Variants in AGBL1 observed in about 807,000 individuals in gnomAD.
AGBL1 encodes cytosolic carboxypeptidase 4.
Under a neutral mutation model 118.9 loss-of-function variants are expected in AGBL1, and 130 were observed. The observed-to-expected ratio is 1.09, with a 90% CI of 0.95 to 1.26. The LOEUF is 1.26. Among genes scored for constraint, AGBL1 ranks in the 50% most tolerant of loss-of-function variants. The probability of loss-of-function intolerance (pLI) is 0.00; values close to 1 mark genes in which losing one functional copy is unlikely to be tolerated. For synonymous variants in AGBL1, 555 were observed against 478.9 expected, an observed-to-expected ratio of 1.16 and a Z score of -2.08; for missense variants, 1,584 against 1,298.1, an observed-to-expected ratio of 1.22 and a Z score of -3.38.
chr15:86,991,229 T>G (rs1270458090), intron 24 of AGBL1, among the ~76,000 whole-genome samples: 2 of 152,164 alleles, frequency 1.3e-5, no homozygotes, highest in Non-Finnish European at 2.9e-5. Context: ...TTTTTATTTT[T>G]TGTTCATTTG....
intron 22 of AGBL1, among the ~76,000 whole-genome samples, chr15:86,735,654 A>T (rs1402064328): frequency 9.5e-6 from 1 of 105,150 alleles, no homozygotes; most frequent in African/African-American, 4.8e-5. Flanking sequence ...CTACAAAGAG[A>T]GATATATATA....
chr15:86,379,627 C>T (rs2081086158), intron 17 of AGBL1, among the ~76,000 whole-genome samples: 1 of 152,120 alleles, frequency 6.6e-6, no homozygotes, highest in African/African-American at 2.4e-5. Context: ...TGACAACAAC[C>T]CCATGAGATA....
intron 17 of AGBL1, among the ~76,000 whole-genome samples, chr15:86,382,654 G>T (rs2081128079): frequency 6.6e-6 from 1 of 151,996 alleles, no homozygotes; most frequent in Non-Finnish European, 1.5e-5. Context: ...AGTGGCAACA[G>T]TAACAATAAT....
chr15:86,255,232 CTG>C (rs1307820628), intron 7 of AGBL1, among the ~76,000 whole-genome samples: 1 of 152,130 alleles, frequency 6.6e-6, no homozygotes, highest in East Asian at 1.9e-4. Context: ...CCTTGAGACT[CTG>C]TTTTATTTTT....
chr15:86,215,779 C>T (rs1023783995), intron 5 of AGBL1, among the ~76,000 whole-genome samples: 4 of 152,228 alleles, frequency 2.6e-5, no homozygotes, highest in African/African-American at 7.2e-5. Context: ...AACATATCCA[C>T]GTGCTTCTTG....
intron 22 of AGBL1, among the ~76,000 whole-genome samples, chr15:86,814,037 C>T (rs1325395734): frequency 2.0e-5 from 3 of 152,106 alleles, no homozygotes; most frequent in Non-Finnish European, 4.4e-5. Flanking sequence ...CCTGGGAAGC[C>T]GGATGCTTTA....
At chr15:86,276,422 G>A (rs1022572577) in intron 15 of AGBL1, among the ~76,000 whole-genome samples, 4 of 152,208 alleles carry the variant, frequency 2.6e-5, no homozygotes, top group East Asian at 1.9e-4. Context: ...TGTAGAATGT[G>A]TGTAATAATA....
chr15:87,021,324 G>T (rs1358820703), intron 24 of AGBL1, among the ~76,000 whole-genome samples: 1 of 151,986 alleles, frequency 6.6e-6, no homozygotes. Context: ...TTCCTTACAC[G>T]ATATACAAAC....
At chr15:86,312,557 C>T (rs116381354) in intron 17 of AGBL1, among the ~76,000 whole-genome samples, 63 of 152,330 alleles carry the variant, frequency 4.1e-4, no homozygotes, top group African/African-American at 1.5e-3. Flanking sequence ...AACAGATGAT[C>T]GCATTAAGAG....
chr15:86,327,892 C>T (rs1011880769), intron 17 of AGBL1, among the ~76,000 whole-genome samples: 5 of 152,076 alleles, frequency 3.3e-5, no homozygotes, highest in South Asian at 4.2e-4. Flanking sequence ...TGTCGGGGTA[C>T]GTCCTCCTGA....
chr15:87,005,653 G>T (rs1023498564), intron 24 of AGBL1, among the ~76,000 whole-genome samples: 3 of 152,142 alleles, frequency 2.0e-5, no homozygotes, highest in Non-Finnish European at 4.4e-5. Flanking sequence ...CTCTAGCTCA[G>T]AGAAGTTTGA....
intron 18 of AGBL1, among the ~76,000 whole-genome samples, chr15:86,518,758 T>G (rs1178099767): frequency 1.3e-5 from 2 of 152,006 alleles, no homozygotes; most frequent in Non-Finnish European, 2.9e-5. Flanking sequence ...TAATTCAGTC[T>G]AGTTCTGGTG....
Position 86,182,325 on chromosome 15 carries a change from T to A in AGBL1, c.488+23299T>A, listed in dbSNP as rs186570165. Among the ~76,000 whole-genome samples, 352 of 152,140 alleles carry A rather than the reference T, an allele frequency of 2.3e-3. 1 individual carries two copies. Among genetic ancestry groups the A allele is most frequent in the African/African-American group, 7.6e-3 (316 of 41,548 alleles). On this transcript the variant is annotated intron_variant, in intron 5 of 22. Coordinates refer to ENST00000614907, the MANE Select transcript of AGBL1 (RefSeq NM_001386094.1). Reference sequence around the variant, plus strand: ...TCTTCTCTCCCTTTGTCATCTTAGGTTTTTTGCATGCTAGGGAAATTCCTT... The same window carrying A: ...TCTTCTCTCCCTTTGTCATCTTAGGATTTTTGCATGCTAGGGAAATTCCTT...
intron 18 of AGBL1, among the ~76,000 whole-genome samples, chr15:86,449,549 A>G (rs537759420): frequency 2.0e-5 from 3 of 152,340 alleles, no homozygotes; most frequent in African/African-American, 7.2e-5. Flanking sequence ...CAAGTGGCCC[A>G]GTTTCTTCCT....
chr15:86,637,299 T>A (rs1816603344), intron 21 of AGBL1, among the ~76,000 whole-genome samples: 1 of 152,070 alleles, frequency 6.6e-6, no homozygotes, highest in Admixed American at 6.6e-5. Context: ...GAATGTGGCA[T>A]GTCAGGGAGA....
At chr15:86,673,644 G>A (rs1042022874) in intron 21 of AGBL1, among the ~76,000 whole-genome samples, 1 of 152,120 alleles carries the variant, frequency 6.6e-6, no homozygotes, top group Non-Finnish European at 1.5e-5. Context: ...AAGGGTATTT[G>A]GCATGCAGTA....
intron 17 of AGBL1, among the ~76,000 whole-genome samples, chr15:86,329,098 C>G (rs1457971387): frequency 6.6e-6 from 1 of 152,092 alleles, no homozygotes; most frequent in South Asian, 2.1e-4. Flanking sequence ...GTGGTTTCTC[C>G]TAGGTGACGA....
rs116162527 is a variant in AGBL1, at chr15:86,534,736, C to T, written c.2686-11266C>T. ...AAATGAACTATGATATAGTCAATAA[C>T]GTGGGTGAATCTCATAAACATTATA... On this transcript the variant is annotated intron_variant, in intron 19 of 22. Transcript: ENST00000614907. Among the ~76,000 whole-genome samples, 1,017 of 152,200 alleles carry T rather than the reference C, an allele frequency of 6.7e-3. 9 individuals are homozygous for T. Among genetic ancestry groups the T allele is most frequent in the African/African-American group, 0.023 (964 of 41,500 alleles).
At chr15:86,640,255 T>G (rs2085168940) in intron 21 of AGBL1, among the ~76,000 whole-genome samples, 1 of 152,162 alleles carries the variant, frequency 6.6e-6, no homozygotes, top group Admixed American at 6.5e-5. Flanking sequence ...CATTCCTATG[T>G]TTATAAAGTC....
Sources: allele counts gnomAD v4.1 joint callset (sites outside exome capture counted in the v4.1 genomes callset), GRCh38; gene constraint gnomAD v4.1.1; transcripts MANE v1.5; gene names NCBI Gene and HGNC (gene_info 2026-07-23, HGNC 2026-07-21).